The following MOCOS variants were observed in gnomAD, a reference collection of about 807,000 sequenced individuals.
MOCOS encodes molybdenum cofactor sulfurase, also known as human molybdenum cofactor sulfurase.
A neutral mutation model predicts 83.6 loss-of-function variants in MOCOS; 86 were observed. The observed-to-expected ratio is 1.03, with a 90% CI of 0.86 to 1.23. MOCOS has a LOEUF of 1.23. Among genes scored for constraint, MOCOS ranks in the 50% most tolerant of loss-of-function variants. MOCOS has a pLI of 0.00. For synonymous variants in MOCOS, 445 were observed against 434.7 expected, an observed-to-expected ratio of 1.02 and a Z score of -0.29; for missense variants, 1,120 against 1,126.9, an observed-to-expected ratio of 0.99 and a Z score of 0.09.
At chr18:36,236,315 G>A (rs1305340538) in intron 9 of MOCOS, among the ~76,000 whole-genome samples, 18 of 77,652 alleles carry the variant, frequency 2.3e-4, no homozygotes, top group African/African-American at 8.9e-4. Flanking sequence ...TGTATAAGGT[G>A]TAAGGAAGGG....
At chr18:36,199,654 G>T (rs1452709523) in intron 3 of MOCOS, 29 bp from the exon 4 acceptor site, 3 of 1,612,152 alleles carry the variant, frequency 1.9e-6, no homozygotes, top group Non-Finnish European at 2.5e-6. Flanking sequence ...TGAGATCCGC[G>T]GGTTGCGGGG....
intron 5 of MOCOS, among the ~76,000 whole-genome samples, chr18:36,204,077 A>G (rs941989128): frequency 1.3e-5 from 2 of 152,212 alleles, no homozygotes; most frequent in Non-Finnish European, 2.9e-5. Flanking sequence ...GTGGTAAACT[A>G]TACATAACAT....
rs2144901642 is a variant in MOCOS at position 36,200,323 on chromosome 18, A to G, written c.940A>G (p.Arg314Gly). 6.2e-7 allele frequency: 1 copy of G among 1,613,968 alleles called. No homozygotes were observed. The highest frequency in any genetic ancestry group is 1.1e-5 in the South Asian group (1 of 91,080). Residue 314 changes from arginine to glycine, a missense_variant and splice_region_variant, in exon 4 of 15, where the codon AGG (arginine) becomes GGG (glycine). Transcript: ENST00000261326. ...CATCCCGAGGCAGTCGGTAGCTCAG[A>G]GGTAACCTTGCCACAGGGGAGGGGT... is the stretch of plus-strand genomic sequence containing the variant. ...FYIPRQSVAQ[R>G]FEDGTISFLD...
In MOCOS at chr18:36,272,108, T is replaced by C. The variant is rs2091701480; in HGVS notation, c.*3423T>C. On this transcript the variant is annotated 3_prime_UTR_variant, in exon 15 of 15. Coordinates refer to ENST00000261326, the MANE Select transcript of MOCOS (RefSeq NM_017947.4). ...GTTGGTTGTATTATTCTTTATTTTT[T>C]TGTATGACTTATGATATTCATGATA... 2 of 152,210 alleles carry C rather than the reference T, an allele frequency of 1.3e-5. No homozygotes were observed. Among genetic ancestry groups the C allele is most frequent in the Admixed American group, 6.5e-5 (1 of 15,282 alleles). 9.4% of individuals were successfully genotyped at this position (152,210 alleles called of 1,614,324 possible). A position where few individuals can be genotyped will look rare whatever the true frequency, so the allele number is the denominator to read the frequency against.
At chr18:36,236,860 T>C (rs62101261) in intron 9 of MOCOS, among the ~76,000 whole-genome samples, 63,833 of 144,304 alleles carry the variant, frequency 0.44, 14,341 homozygotes, top group African/African-American at 0.55. Context: ...CCCTTGTAAG[T>C]TGGATTCCTA....
At chr18:36,239,744 C>T (rs1415780968) in intron 9 of MOCOS, among the ~76,000 whole-genome samples, 1 of 148,880 alleles carries the variant, frequency 6.7e-6, no homozygotes, top group Non-Finnish European at 1.5e-5. Context: ...CAACTTGGTT[C>T]CATTCTCCCC....
At chr18:36,202,779 G>C (rs980755661) in intron 4 of MOCOS, among the ~76,000 whole-genome samples, 2 of 152,294 alleles carry the variant, frequency 1.3e-5, no homozygotes, top group East Asian at 3.9e-4. Flanking sequence ...ATGGCGGAAA[G>C]GGAAGCAGGC....
intron 9 of MOCOS, among the ~76,000 whole-genome samples, chr18:36,241,476 G>T (rs1285655205): frequency 6.6e-6 from 1 of 152,162 alleles, no homozygotes; most frequent in African/African-American, 2.4e-5. Flanking sequence ...TGCAAGAGGT[G>T]GGCTCCCATG....
chr18:36,234,578 G>A (rs562435279), intron 9 of MOCOS, among the ~76,000 whole-genome samples: 38 of 152,182 alleles, frequency 2.5e-4, no homozygotes, highest in Non-Finnish European at 4.6e-4. Flanking sequence ...AATGATGACG[G>A]CATTTTGATG....
intron 2 of MOCOS, 80 bp from the exon 3 acceptor site, chr18:36,198,610 T>G (rs1320375144): frequency 2.2e-6 from 3 of 1,387,878 alleles, no homozygotes; most frequent in Non-Finnish European, 3.1e-6. Context: ...TTTGAGAAAC[T>G]GAGGGAGTGG....
chr18:36,238,029 T>C (rs1236979899), intron 9 of MOCOS, among the ~76,000 whole-genome samples: 80 of 152,066 alleles, frequency 5.3e-4, no homozygotes, highest in African/African-American at 1.9e-3. Flanking sequence ...TCTCTTTTCT[T>C]CTTTATTAGT....
intron 6 of MOCOS, among the ~76,000 whole-genome samples, chr18:36,206,069 G>A (rs907267293): frequency 6.6e-6 from 1 of 151,808 alleles, no homozygotes; most frequent in Non-Finnish European, 1.5e-5. Context: ...AGAAAAAAAG[G>A]TTTATTTGGC....
rs192316154 is a variant in MOCOS, at chr18:36,219,014, G to A, written c.1798-1041G>A. Among the ~76,000 whole-genome samples, 955 of 150,534 alleles carry A rather than the reference G, an allele frequency of 6.3e-3. 4 individuals carry two copies. Among genetic ancestry groups the A allele is most frequent in the Non-Finnish European group, 9.5e-3 (639 of 67,570 alleles). ...CTCCAGAGCAGCTAGGACTACAGGC[G>A]CCTGCCATCAAGCCCGGCTAATTTT... is the stretch of plus-strand genomic sequence containing the variant. On this transcript the variant is annotated intron_variant, in intron 8 of 14. Transcript: ENST00000261326.
chr18:36,264,089 C>T (rs948607553), intron 13 of MOCOS, among the ~76,000 whole-genome samples: 4 of 151,928 alleles, frequency 2.6e-5, no homozygotes, highest in Non-Finnish European at 4.4e-5. Flanking sequence ...GTAGGAGAAT[C>T]GCTTGAACAC....
rs200685222 is a variant in MOCOS, at chr18:36,201,925, A to G, written c.942-1188A>G. Among the ~76,000 whole-genome samples the G allele has an allele frequency of 1.2e-4, 19 of 152,236 alleles. 1 individual carries two copies. In the East Asian group the frequency reaches 3.7e-3, roughly 29 times the overall value. ...TAAGTTACAGGCAGAACAAAGCGAC[A>G]CCTCAAATTTAATTTGGCCAATAAG... On this transcript the variant is annotated intron_variant, in intron 4 of 14. Transcript: ENST00000261326.
intron 9 of MOCOS, among the ~76,000 whole-genome samples, chr18:36,222,107 AT>A (rs2091498280): frequency 6.6e-6 from 1 of 152,240 alleles, no homozygotes; most frequent in Non-Finnish European, 1.5e-5. Context: ...TTAAATGAGT[AT>A]ACCATATTTA....
In MOCOS at chr18:36,254,206, A is replaced by T. The variant is rs114422191; in HGVS notation, c.2165-2762A>T. The stretch of plus-strand genomic sequence containing the variant: ...CTTGAAACAGTTTTTTTGAGTTGGT[A>T]TACCTTAGAAGGATTTTTTAAAACT... On this transcript the variant is annotated intron_variant, in intron 11 of 14. Coordinates refer to ENST00000261326, the MANE Select transcript of MOCOS (RefSeq NM_017947.4). Among the ~76,000 whole-genome samples the T allele has an allele frequency of 2.4e-3, 365 of 152,300 alleles. 1 individual carries two copies. Among genetic ancestry groups the T allele is most frequent in the African/African-American group, 8.1e-3 (338 of 41,550 alleles).
At chr18:36,206,244 CTTTTTT>C (rs71166102) in intron 6 of MOCOS, among the ~76,000 whole-genome samples, 1 of 103,636 alleles carries the variant, frequency 9.6e-6, no homozygotes, top group African/African-American at 3.8e-5. Flanking sequence ...TTTCTTCCAA[CTTTTTT>C]TTTTTTTTTT....
chr18:36,232,077 G>C (rs550071897), intron 9 of MOCOS, among the ~76,000 whole-genome samples: 5 of 152,082 alleles, frequency 3.3e-5, no homozygotes, highest in African/African-American at 1.2e-4. Flanking sequence ...AGCCTCAAGC[G>C]ATCCTGCTAC....
Sources: allele counts gnomAD v4.1 joint callset (sites outside exome capture counted in the v4.1 genomes callset), GRCh38; gene constraint gnomAD v4.1.1; transcripts MANE v1.5; gene names NCBI Gene and HGNC (gene_info 2026-07-23, HGNC 2026-07-21).